Variants in KIF5C observed in about 807,000 individuals in gnomAD.
The protein encoded by KIF5C is kinesin heavy chain isoform 5C.
A neutral mutation model predicts 125.2 loss-of-function variants in KIF5C; 18 were observed. That is an observed-to-expected ratio of 0.14 (90% CI 0.10 to 0.21). The LOEUF is 0.21. Among genes scored for constraint, KIF5C ranks in the 10% least tolerant of loss-of-function variants. KIF5C has a pLI of 1.00. For synonymous variants in KIF5C, 405 were observed against 434.0 expected, an observed-to-expected ratio of 0.93 and a Z score of 0.83; for missense variants, 780 against 1,183.8, an observed-to-expected ratio of 0.66 and a Z score of 5.01.
chr2:148,993,650 G>A (rs1558937488), intron 16 of KIF5C, among the ~76,000 whole-genome samples: 1 of 152,180 alleles, frequency 6.6e-6, no homozygotes, highest in South Asian at 2.1e-4. Flanking sequence ...AGTCTCCAGG[G>A]TCTTCCTGCC....
chr2:148,996,004 A>AT (rs1681660832), intron 17 of KIF5C, among the ~76,000 whole-genome samples: 1 of 152,134 alleles, frequency 6.6e-6, no homozygotes, highest in Admixed American at 6.5e-5. Context: ...AAAATACAAA[A>AT]ATTAGCAGGG....
At chr2:148,956,606 A>G (rs1363506556) in intron 10 of KIF5C, among the ~76,000 whole-genome samples, 1 of 152,220 alleles carries the variant, frequency 6.6e-6, no homozygotes, top group East Asian at 1.9e-4. Context: ...AAGCAAGCCA[A>G]AACAAGGAAA....
At chr2:149,002,068 C>T (rs998735732) in intron 21 of KIF5C, among the ~76,000 whole-genome samples, 1 of 152,258 alleles carries the variant, frequency 6.6e-6, no homozygotes, top group African/African-American at 2.4e-5. Context: ...GAGGGGGCTG[C>T]TGCCGGGGAA....
At chr2:148,923,526 A>G (rs778082026) in intron 2 of KIF5C, among the ~76,000 whole-genome samples, 1 of 151,958 alleles carries the variant, frequency 6.6e-6, no homozygotes, top group Non-Finnish European at 1.5e-5. Flanking sequence ...TTCTCTTTCT[A>G]TCTAAACATG....
At chr2:149,000,833 T>C in intron 21 of KIF5C, 51 bp downstream of exon 21, 1 of 1,604,860 alleles carries the variant, frequency 6.2e-7, no homozygotes, top group Non-Finnish European at 8.5e-7. Flanking sequence ...CCGGATTCAT[T>C]TGTGATTTGT....
At chr2:149,010,737 G>A (rs1320956427) in intron 24 of KIF5C, among the ~76,000 whole-genome samples, 1 of 152,196 alleles carries the variant, frequency 6.6e-6, no homozygotes, top group African/African-American at 2.4e-5. Flanking sequence ...GCATGAAGGA[G>A]CCCATATGTA....
intron 14 of KIF5C, 56 bp from the exon 15 acceptor site, chr2:148,983,564 A>C (rs1681292478): frequency 6.8e-7 from 1 of 1,478,824 alleles, no homozygotes. Flanking sequence ...TGTAATGTGG[A>C]GTGTATGAAA....
At chr2:148,913,250 G>A (rs1173967619) in intron 1 of KIF5C, among the ~76,000 whole-genome samples, 1 of 152,160 alleles carries the variant, frequency 6.6e-6, no homozygotes, top group African/African-American at 2.4e-5. Context: ...ATGGGTAGAA[G>A]GCTTGGCTGG....
chr2:148,998,146 AG>A, intron 18 of KIF5C: 2 of 539,402 alleles, frequency 3.7e-6, no homozygotes, highest in Non-Finnish European at 6.5e-6. Flanking sequence ...TAAAAGGTCA[AG>A]GGAACACTTT....
At chr2:148,976,239 ATTTTG>A (rs1406799077) in intron 12 of KIF5C, among the ~76,000 whole-genome samples, 8 of 112,344 alleles carry the variant, frequency 7.1e-5, no homozygotes, top group African/African-American at 2.4e-4. Context: ...TGTGCATATT[ATTTTG>A]TTTTATTTAT....
chr2:148,950,217 G>A lies in KIF5C; in HGVS notation c.820-97G>A, dbSNP rs555350918. 223 of 1,510,356 alleles carry A rather than the reference G, an allele frequency of 1.5e-4. 2 individuals are homozygous for A. The highest frequency in any genetic ancestry group is 4.6e-5 in the East Asian group (2 of 43,766). 93.6% of individuals were successfully genotyped at this position (1,510,356 alleles called of 1,614,324 possible). On this transcript the variant is annotated intron_variant, in intron 9 of 25. Coordinates refer to ENST00000435030, the MANE Select transcript of KIF5C (RefSeq NM_004522.3). ...CCAGCCACAAATTCTTGTTTTACTC[G>A]GTTTCTAAGCTCAGTGTCTTCATCC...
intron 13 of KIF5C, 42 bp from the exon 14 acceptor site, chr2:148,981,313 G>C (rs376856907): frequency 7.7e-6 from 12 of 1,550,430 alleles, no homozygotes; most frequent in Non-Finnish European, 1.0e-5. Context: ...ATAAACATTT[G>C]AACATTAGAT....
At chr2:148,968,742 A>C (rs561210497) in intron 11 of KIF5C, among the ~76,000 whole-genome samples, 1 of 151,382 alleles carries the variant, frequency 6.6e-6, no homozygotes, top group South Asian at 2.1e-4. Context: ...TGCTATTTGC[A>C]TGCAAAATAA....
intron 13 of KIF5C, among the ~76,000 whole-genome samples, chr2:148,981,068 T>G (rs1681220802): frequency 6.6e-6 from 1 of 152,236 alleles, no homozygotes; most frequent in East Asian, 1.9e-4. Flanking sequence ...TGATGTGTAA[T>G]TCTTTCTTTG....
At chr2:148,938,698 C>G (rs895760076) in intron 4 of KIF5C, among the ~76,000 whole-genome samples, 3 of 152,114 alleles carry the variant, frequency 2.0e-5, no homozygotes, top group African/African-American at 7.2e-5. Flanking sequence ...TCTAAGAAGC[C>G]TCGCTAAGCA....
At chr2:148,980,235 T>G (rs1438702792) in intron 13 of KIF5C, among the ~76,000 whole-genome samples, 1 of 152,212 alleles carries the variant, frequency 6.6e-6, no homozygotes, top group Admixed American at 6.5e-5. Context: ...CGTTGATCTC[T>G]CTCTCTTAGC....
Position 148,895,645 on chromosome 2 carries a change from G to A in KIF5C, c.126+19902G>A, listed in dbSNP as rs182705903. On this transcript the variant is annotated intron_variant, in intron 1 of 25. Coordinates refer to ENST00000435030, the MANE Select transcript of KIF5C (RefSeq NM_004522.3). Reference sequence around the variant, plus strand: ...GTAAATTCTATTTAATATAACTAGCGTATTAGTTTGCTTGAACTGTCAAAA... The same window carrying A: ...GTAAATTCTATTTAATATAACTAGCATATTAGTTTGCTTGAACTGTCAAAA... Among the ~76,000 whole-genome samples the A allele has an allele frequency of 1.4e-3, 209 of 152,144 alleles. 4 individuals are homozygous for A. The highest frequency in any genetic ancestry group is 9.1e-4 in the Non-Finnish European group (62 of 68,004).
chr2:149,000,197 A>T, intron 19 of KIF5C: 2 of 435,962 alleles, frequency 4.6e-6, no homozygotes, highest in Non-Finnish European at 8.0e-6. Context: ...CTATAAATAC[A>T]TCCTCAAAGC....
At chr2:148,966,911 T>C (rs1420545719) in intron 11 of KIF5C, among the ~76,000 whole-genome samples, 1 of 152,128 alleles carries the variant, frequency 6.6e-6, no homozygotes, top group Non-Finnish European at 1.5e-5. Flanking sequence ...ATGTTGGCAC[T>C]CTGATCTTGG....
Sources: gnomAD v4.1 joint callset for allele counts (sites outside exome capture counted in the v4.1 genomes callset) on GRCh38, gnomAD v4.1.1 for gene constraint, MANE v1.5 for transcripts, NCBI Gene and HGNC (gene_info 2026-07-23, HGNC 2026-07-21) for gene names.